Variants in SNCAIP observed in about 807,000 individuals in gnomAD.
The protein encoded by SNCAIP is synphilin-1.
A neutral mutation model predicts 86.7 loss-of-function variants in SNCAIP; 43 were observed. The ratio of observed to expected loss-of-function variants is 0.50; its 90% confidence interval spans 0.39 to 0.64. The LOEUF (loss-of-function observed/expected upper bound fraction) is 0.64, where lower values mean the gene tolerates loss of function less well. SNCAIP is among the 30% of genes least tolerant of loss of function. The pLI, the probability that SNCAIP is intolerant of heterozygous loss-of-function variation, is 0.00. For synonymous variants in SNCAIP, 417 were observed against 427.2 expected (o/e 0.98, Z 0.29); for missense variants, 981 against 1,103.1 (o/e 0.89, Z 1.57).
rs58303736 is a variant in SNCAIP at position 122,393,620 on chromosome 5, C to G, written c.57+2429C>G. Among the ~76,000 whole-genome samples the G allele has an allele frequency of 8.3e-3, 1,260 of 152,216 alleles. 20 individuals carry two copies. The highest frequency in any genetic ancestry group is 0.029 in the African/African-American group (1,185 of 41,530). ...TTGTTGTCATACCGGGGAGTTGCTA[C>G]TAGCATCTAGTGGGTAGAGACCAGA... On this transcript the variant is annotated intron_variant, in intron 2 of 10. Transcript: ENST00000261368.
intron 3 of SNCAIP, among the ~76,000 whole-genome samples, chr5:122,413,815 C>T (rs552308309): frequency 5.3e-5 from 8 of 152,188 alleles, no homozygotes; most frequent in East Asian, 1.9e-4. Flanking sequence ...AACAGATTAC[C>T]GGTGATAAAA....
chr5:122,344,057 G>C (rs1176063317), intron 1 of SNCAIP, among the ~76,000 whole-genome samples: 1 of 152,096 alleles, frequency 6.6e-6, no homozygotes, highest in Admixed American at 6.6e-5. Flanking sequence ...CCCTGTGACT[G>C]TCTCTCTCAC....
At chr5:122,413,546 C>T (rs563109412) in intron 3 of SNCAIP, among the ~76,000 whole-genome samples, 50 of 152,228 alleles carry the variant, frequency 3.3e-4, no homozygotes, top group African/African-American at 1.2e-3. Context: ...TACCTGTGTA[C>T]TTGCATCATT....
At chr5:122,425,053 A>T (rs974510978) in intron 4 of SNCAIP, among the ~76,000 whole-genome samples, 10 of 152,358 alleles carry the variant, frequency 6.6e-5, no homozygotes, top group African/African-American at 2.2e-4. Flanking sequence ...ACAGACAGGG[A>T]ACCTGACAAT....
intron 6 of SNCAIP, among the ~76,000 whole-genome samples, chr5:122,438,949 G>A (rs1156801509): frequency 6.6e-6 from 1 of 152,168 alleles, no homozygotes; most frequent in Non-Finnish European, 1.5e-5. Context: ...TCCTCTTGCA[G>A]CCTCCATGTC....
At chr5:122,376,984 T>C (rs903742982) in intron 1 of SNCAIP, among the ~76,000 whole-genome samples, 2 of 152,310 alleles carry the variant, frequency 1.3e-5, no homozygotes, top group Non-Finnish European at 2.9e-5. Context: ...GAACAATTTC[T>C]TGCTGAGGTG....
chr5:122,344,934 A>G (rs1294239332), intron 1 of SNCAIP, among the ~76,000 whole-genome samples: 1 of 152,174 alleles, frequency 6.6e-6, no homozygotes, highest in Non-Finnish European at 1.5e-5. Flanking sequence ...ATAGAACACA[A>G]AATTCTTAGC....
intron 6 of SNCAIP, among the ~76,000 whole-genome samples, chr5:122,434,633 G>A (rs1561762903): frequency 6.6e-6 from 1 of 152,056 alleles, no homozygotes; most frequent in African/African-American, 2.4e-5. Context: ...CTCTGAGGGG[G>A]GCAGTCCAGC....
chr5:122,314,043 G>A (rs1180468711), intron 1 of SNCAIP, among the ~76,000 whole-genome samples: 2 of 152,146 alleles, frequency 1.3e-5, no homozygotes, highest in Non-Finnish European at 2.9e-5. Context: ...TGAATTTGAC[G>A]GTTACCATTT....
intron 10 of SNCAIP, among the ~76,000 whole-genome samples, chr5:122,460,346 C>T (rs924480141): frequency 2.0e-5 from 3 of 152,144 alleles, no homozygotes; most frequent in African/African-American, 7.2e-5. Flanking sequence ...AGAATGATTA[C>T]ATATCTTGCC....
rs1776798438 is a variant in SNCAIP at position 122,423,498 on chromosome 5, A to G, written c.761A>G (p.Gln254Arg). 1.2e-6 allele frequency: 2 copies of G among 1,614,222 alleles called. No individual in the cohort carries two copies. The highest frequency in any genetic ancestry group is 1.7e-6 in the Non-Finnish European group (2 of 1,180,030). Reference sequence around the variant, plus strand: ...GGCTCTGCATATGAGCCTGAAAACCAGAGTAAAGACTTCCTAAACAAGACA... The same window carrying G: ...GGCTCTGCATATGAGCCTGAAAACCGGAGTAAAGACTTCCTAAACAAGACA... ...KCGSAYEPEN[Q>R]SKDFLNKTFS... Residue 254 changes from glutamine (Q) to arginine (R), a missense_variant, in exon 4 of 11, where the codon CAG becomes CGG. Transcript: ENST00000261368.
At chr5:122,318,114 C>T (rs1752163850) in intron 1 of SNCAIP, among the ~76,000 whole-genome samples, 1 of 152,108 alleles carries the variant, frequency 6.6e-6, no homozygotes, top group African/African-American at 2.4e-5. Context: ...TGAGTCCTGC[C>T]TCCTCCTGTG....
chr5:122,423,668 G>A lies in SNCAIP; in HGVS notation c.931G>A (p.Glu311Lys). The A allele has an allele frequency of 6.2e-7, 1 of 1,610,424 alleles. No individual in the cohort carries two copies. Among genetic ancestry groups the A allele is most frequent in the Non-Finnish European group, 8.5e-7 (1 of 1,179,882 alleles). The change falls in exon 4 of 11, where the codon GAA becomes AAA. Residue 311 changes from glutamate (E) to lysine (K), a missense_variant. Coordinates refer to ENST00000261368, the MANE Select transcript of SNCAIP (RefSeq NM_005460.4). Reference protein sequence around the residue: ...LNRTSSQGPEERSEYLKKVKS... With the variant: ...LNRTSSQGPEKRSEYLKKVKS... ...CCGGACCAGCTCCCAAGGCCCAGAAGAAAGGAGTGAGTATCTGAAAAAAGT... is the reference window on the plus strand; with the variant it reads ...CCGGACCAGCTCCCAAGGCCCAGAAAAAAGGAGTGAGTATCTGAAAAAAGT...
chr5:122,368,656 T>G (rs1347380319), intron 1 of SNCAIP, among the ~76,000 whole-genome samples: 1 of 152,200 alleles, frequency 6.6e-6, no homozygotes, highest in Non-Finnish European at 1.5e-5. Context: ...TAATAAATCT[T>G]AGCTCCTTTC....
At chr5:122,350,716 T>A (rs1197043791) in intron 1 of SNCAIP, among the ~76,000 whole-genome samples, 2 of 152,202 alleles carry the variant, frequency 1.3e-5, no homozygotes, top group Non-Finnish European at 2.9e-5. Flanking sequence ...TGTGGTAGGA[T>A]CATGAGACAG....
At chr5:122,432,746 T>C (rs1778656627) in intron 6 of SNCAIP, among the ~76,000 whole-genome samples, 1 of 151,912 alleles carries the variant, frequency 6.6e-6, no homozygotes, top group Non-Finnish European at 1.5e-5. Flanking sequence ...CAGATCACAA[T>C]CCAGTGTTTG....
At chr5:122,448,378 G>A (rs1782780257) in intron 8 of SNCAIP, among the ~76,000 whole-genome samples, 1 of 151,622 alleles carries the variant, frequency 6.6e-6, no homozygotes, top group Non-Finnish European at 1.5e-5. Context: ...GAACACACCT[G>A]TAGTCCCCAC....
chr5:122,328,840 C>G (rs1414668950), intron 1 of SNCAIP, among the ~76,000 whole-genome samples: 1 of 152,160 alleles, frequency 6.6e-6, no homozygotes, highest in Non-Finnish European at 1.5e-5. Context: ...ATGGCCAGTC[C>G]CTTACCCTTT....
At chr5:122,463,275 T>C (rs779352315) in intron 10 of SNCAIP, among the ~76,000 whole-genome samples, 31 of 152,210 alleles carry the variant, frequency 2.0e-4, no homozygotes, top group Non-Finnish European at 3.5e-4. Flanking sequence ...AGTTAAAGAG[T>C]GTTTAGTAAC....
Sources: allele counts gnomAD v4.1 joint callset (sites outside exome capture counted in the v4.1 genomes callset), GRCh38; gene constraint gnomAD v4.1.1; transcripts MANE v1.5; gene names NCBI Gene and HGNC (gene_info 2026-07-23, HGNC 2026-07-21).